EDC3: variants seen among roughly 807,000 people sequenced by gnomAD.
EDC3 encodes the protein enhancer of mRNA-decapping protein 3.
EDC3 carries 20 observed loss-of-function variants against 41.8 expected under a neutral mutation model. The observed-to-expected ratio is 0.48, with a 90% CI of 0.34 to 0.70. The LOEUF is 0.70. Among genes scored for constraint, EDC3 ranks in the 30% least tolerant of loss-of-function variants. The pLI, the probability that EDC3 is intolerant of heterozygous loss-of-function variation, is 0.01. For missense variants in EDC3, 444 were observed against 636.8 expected (o/e 0.70, Z 3.26); for synonymous variants, 206 against 243.2 (o/e 0.85, Z 1.42).
intron 4 of EDC3, among the ~76,000 whole-genome samples, chr15:74,648,125 G>A (rs1249338929): frequency 6.6e-6 from 1 of 152,206 alleles, no homozygotes; most frequent in Non-Finnish European, 1.5e-5. Flanking sequence ...GAGTACAACA[G>A]CTGCCAAAGG....
chr15:74,684,544 C>T (rs563606955), intron 1 of EDC3, among the ~76,000 whole-genome samples: 1 of 146,940 alleles, frequency 6.8e-6, no homozygotes, highest in South Asian at 2.1e-4. Flanking sequence ...GAGGATGAGG[C>T]AAGGATGTCC....
chr15:74,677,239 T>G (rs536021301), intron 1 of EDC3, among the ~76,000 whole-genome samples: 1 of 151,972 alleles, frequency 6.6e-6, no homozygotes, highest in African/African-American at 2.4e-5. Context: ...ATTTTTGTAT[T>G]TTTAGTAGAG....
chr15:74,687,770 T>C (rs1346682012), intron 1 of EDC3, among the ~76,000 whole-genome samples: 4 of 152,222 alleles, frequency 2.6e-5, no homozygotes, highest in Non-Finnish European at 5.9e-5. Flanking sequence ...CCCTTCCTGA[T>C]CAACCTTTGC....
At position 74,652,290 on chromosome 15, in the gene EDC3, C is replaced by T. The variant is rs369364584; in HGVS notation, c.820+3443G>A. ...TCACCCAGGCTGGAGTGCAGTGCTG[C>T]GATCTCCGCTCACTGCAAGCTCCGC... On this transcript the variant is annotated intron_variant, in intron 4 of 6. Coordinates refer to ENST00000315127, the MANE Select transcript of EDC3 (RefSeq NM_025083.5). Among the ~76,000 whole-genome samples the T allele has an allele frequency of 1.7e-3, 257 of 147,482 alleles. 3 individuals carry two copies. The highest frequency in any genetic ancestry group is 3.1e-3 in the Non-Finnish European group (208 of 67,076).
intron 3 of EDC3, among the ~76,000 whole-genome samples, chr15:74,661,743 A>AC (rs2062623709): frequency 7.0e-6 from 1 of 143,644 alleles, no homozygotes; most frequent in African/African-American, 2.5e-5. Context: ...AAAAAAAAAA[A>AC]GAAAAAGAAA....
At chr15:74,635,881 A>C (rs1011795634) in intron 5 of EDC3, 19 of 528,872 alleles carry the variant, frequency 3.6e-5, no homozygotes, top group Non-Finnish European at 5.5e-5. Flanking sequence ...GCTCCACACA[A>C]CACTGTTGCC....
In EDC3 at chr15:74,671,755, A is replaced by G. The variant is rs758517938; in HGVS notation, c.184T>C (p.Leu62=). 1 of 1,613,970 alleles carries G rather than the reference A, an allele frequency of 6.2e-7. No homozygotes were observed. The highest frequency in any genetic ancestry group is 2.2e-5 in the East Asian group (1 of 44,876). Residue 62 remains leucine, a synonymous_variant, in exon 3 of 7, where the codon TTA becomes CTA. Coordinates refer to ENST00000315127, the MANE Select transcript of EDC3 (RefSeq NM_025083.5). This position sits in a 1 kb window ranked among gnomAD's most constrained non-coding sequence, Gnocchi z 4.6. ...VTFRAGDITE[L]KILEIPGPGD... ...GGTCCTGGTATCTCCAGAATTTTTA[A>G]CTCCGTAATGTCACCTGCCCTGAAA...
intron 6 of EDC3, 62 bp downstream of exon 6, chr15:74,635,347 C>A: frequency 6.6e-7 from 1 of 1,522,456 alleles, no homozygotes; most frequent in Non-Finnish European, 9.1e-7. Flanking sequence ...GGTGGCATGA[C>A]GAGACCATCA....
chr15:74,694,545 A>T (rs939082263), intron 1 of EDC3, among the ~76,000 whole-genome samples: 2 of 152,230 alleles, frequency 1.3e-5, no homozygotes, highest in Non-Finnish European at 2.9e-5. Context: ...ACCTCAGGTG[A>T]TCCACCCGCC....
intron 4 of EDC3, among the ~76,000 whole-genome samples, chr15:74,646,324 C>T (rs141977798): frequency 0.034 from 5,145 of 152,258 alleles, 306 homozygotes; most frequent in African/African-American, 0.12. Flanking sequence ...CCACCCGCCT[C>T]GACCTCCCAA....
At chr15:74,676,065 C>A (rs1567176888) in intron 1 of EDC3, among the ~76,000 whole-genome samples, 1 of 151,968 alleles carries the variant, frequency 6.6e-6, no homozygotes, top group African/African-American at 2.4e-5. Context: ...TCTCTACCCA[C>A]AACAGAATTA....
At position 74,630,562 on chromosome 15, in the gene EDC3, T is replaced by C. The variant is rs1412204949; in HGVS notation, c.*2050A>G. 1 of 151,382 alleles carries C rather than the reference T, an allele frequency of 6.6e-6. No homozygotes were observed. Among genetic ancestry groups the C allele is most frequent in the East Asian group, 1.9e-4 (1 of 5,198 alleles). 9.4% of individuals were successfully genotyped at this position (151,382 alleles called of 1,614,324 possible). ...GCAAGTCACACGGCACAGGACTCAG[T>C]CAGTCATTCAGCTTTATTTCAGTGC... On this transcript the variant is annotated 3_prime_UTR_variant, in exon 7 of 7. Transcript: ENST00000315127.
At chr15:74,682,442 C>T (rs960825068) in intron 1 of EDC3, among the ~76,000 whole-genome samples, 2 of 151,448 alleles carry the variant, frequency 1.3e-5, no homozygotes, top group Non-Finnish European at 2.9e-5. Context: ...CACGGTGAAA[C>T]CCCGTCTCTA....
chr15:74,640,354 T>A, intron 5 of EDC3, 112 bp downstream of exon 5: 1 of 1,243,014 alleles, frequency 8.0e-7, no homozygotes, highest in East Asian at 2.3e-5. Context: ...TCCCATCAGA[T>A]GAGCAGAAAC....
At chr15:74,667,513 G>T (rs989924018) in intron 3 of EDC3, among the ~76,000 whole-genome samples, 24 of 25,118 alleles carry the variant, frequency 9.6e-4, no homozygotes, top group Non-Finnish European at 2.2e-3. Flanking sequence ...AGCAGCAGCA[G>T]CAGTAGTAGT....
At chr15:74,689,727 T>C (rs2062982213) in intron 1 of EDC3, among the ~76,000 whole-genome samples, 1 of 152,114 alleles carries the variant, frequency 6.6e-6, no homozygotes, top group Admixed American at 6.5e-5. Context: ...GGTTTCACCG[T>C]GTTAGCCAGG....
At chr15:74,670,010 ATTT>A (rs757043746) in intron 3 of EDC3, among the ~76,000 whole-genome samples, 8 of 116,360 alleles carry the variant, frequency 6.9e-5, no homozygotes, top group African/African-American at 2.8e-4. Context: ...CGCCCAGCTA[ATTT>A]TTTTTTTTTT....
At chr15:74,693,756 A>G (rs548326180) in intron 1 of EDC3, among the ~76,000 whole-genome samples, 32 of 152,144 alleles carry the variant, frequency 2.1e-4, no homozygotes, top group African/African-American at 7.7e-4. Flanking sequence ...GGCTGAGGTG[A>G]GTGGATCACC....
At chr15:74,663,024 C>G (rs2062638218) in intron 3 of EDC3, among the ~76,000 whole-genome samples, 1 of 152,200 alleles carries the variant, frequency 6.6e-6, no homozygotes, top group South Asian at 2.1e-4. Context: ...AGTGGCTCAA[C>G]ACCTGTAATC....
Sources: allele counts gnomAD v4.1 joint callset (sites outside exome capture counted in the v4.1 genomes callset), GRCh38; gene constraint gnomAD v4.1.1; non-coding constraint Gnocchi (gnomAD v3.1); transcripts MANE v1.5; gene names NCBI Gene and HGNC (gene_info 2026-07-23, HGNC 2026-07-21).